Variants in VPS13B observed in about 807,000 individuals in gnomAD.
The protein encoded by VPS13B is vacuolar protein sorting 13 homolog B.
In VPS13B, 285 loss-of-function variants were observed where a neutral mutation model predicts 426.4. The observed-to-expected ratio is 0.67, with a 90% CI of 0.61 to 0.74. The LOEUF (loss-of-function observed/expected upper bound fraction) is 0.74, where lower values mean the gene tolerates loss of function less well. Among genes scored for constraint, VPS13B ranks in the 30% least tolerant of loss-of-function variants. The pLI is 0.00. For synonymous variants in VPS13B, 1,676 were observed against 1,676.4 expected, an observed-to-expected ratio of 1.00 and a Z score of 0.01; for missense variants, 4,537 against 4,782.6, an observed-to-expected ratio of 0.95 and a Z score of 1.51.
At chr8:99,058,252 GTCTTC>G (rs1418630795) in intron 3 of VPS13B, among the ~76,000 whole-genome samples, 1 of 151,538 alleles carries the variant, frequency 6.6e-6, no homozygotes, top group African/African-American at 2.4e-5. Flanking sequence ...GAATGTAGCT[GTCTTC>G]TCTTAAGTCA....
At chr8:99,533,908 C>T (rs187906183) in intron 30 of VPS13B, among the ~76,000 whole-genome samples, 13 of 152,298 alleles carry the variant, frequency 8.5e-5, no homozygotes, top group Admixed American at 3.3e-4. Context: ...ACTGTTTCCT[C>T]CTTCCTCCTC....
intron 19 of VPS13B, among the ~76,000 whole-genome samples, chr8:99,366,625 T>C (rs1333258889): frequency 6.6e-6 from 1 of 151,576 alleles, no homozygotes; most frequent in Non-Finnish European, 1.5e-5. Context: ...GTAAAGACTT[T>C]CTTCTGCCGT....
intron 21 of VPS13B, among the ~76,000 whole-genome samples, chr8:99,425,327 A>G (rs1222321359): frequency 6.6e-6 from 1 of 152,162 alleles, no homozygotes; most frequent in African/African-American, 2.4e-5. Flanking sequence ...TAAAATACTG[A>G]CAAACCAAAT....
intron 42 of VPS13B, among the ~76,000 whole-genome samples, chr8:99,782,306 G>T (rs1812061679): frequency 6.6e-6 from 1 of 151,950 alleles, no homozygotes; most frequent in South Asian, 2.1e-4. Context: ...CATTATGCTG[G>T]ATACTGAAGA....
At position 99,871,709 on chromosome 8, in the gene VPS13B, A is replaced by C; in HGVS notation, c.11745+12A>C. On this transcript the variant is annotated intron_variant, in intron 61 of 61. Transcript: ENST00000357162. ...CCTGTGATGTGGAGGTACGTTTCAG[A>C]AAACAGGGCAACCAAGACTAGCTGG... is the stretch of plus-strand genomic sequence containing the variant. 6.2e-7 allele frequency: 1 copy of C among 1,612,904 alleles called. No homozygotes were observed.
intron 19 of VPS13B, among the ~76,000 whole-genome samples, chr8:99,350,970 T>C (rs978802784): frequency 6.6e-6 from 1 of 152,018 alleles, no homozygotes; most frequent in African/African-American, 2.4e-5. Flanking sequence ...ATAGATATCA[T>C]TTTAAATTAT....
intron 44 of VPS13B, among the ~76,000 whole-genome samples, chr8:99,812,985 A>G (rs2130796956): frequency 6.6e-6 from 1 of 152,322 alleles, no homozygotes; most frequent in African/African-American, 2.4e-5. Context: ...GAAACCGTGC[A>G]TTTAAAAAAA....
intron 51 of VPS13B, among the ~76,000 whole-genome samples, chr8:99,825,416 G>T (rs1284781869): frequency 6.6e-6 from 1 of 151,980 alleles, no homozygotes; most frequent in East Asian, 1.9e-4. Flanking sequence ...CTTTCTGATG[G>T]GGTTGGTTGG....
intron 17 of VPS13B, among the ~76,000 whole-genome samples, chr8:99,213,958 C>G (rs138067951): frequency 6.6e-6 from 1 of 152,012 alleles, no homozygotes; most frequent in African/African-American, 2.4e-5. Context: ...GGATGTGGTA[C>G]TCCCCCATAA....
At chr8:99,685,887 G>A (rs765121000) in intron 35 of VPS13B, among the ~76,000 whole-genome samples, 14 of 152,244 alleles carry the variant, frequency 9.2e-5, no homozygotes, top group African/African-American at 1.9e-4. Context: ...ATGTTTGCCT[G>A]GATGGTTTTC....
intron 19 of VPS13B, among the ~76,000 whole-genome samples, chr8:99,312,732 G>A (rs958816853): frequency 3.9e-5 from 6 of 152,164 alleles, no homozygotes; most frequent in Non-Finnish European, 5.9e-5. Context: ...CTAGGTTGGG[G>A]AAGTTCTCCG....
intron 19 of VPS13B, among the ~76,000 whole-genome samples, chr8:99,361,228 A>G (rs1812539930): frequency 6.6e-6 from 1 of 152,220 alleles, no homozygotes; most frequent in Non-Finnish European, 1.5e-5. Context: ...AAAATTCATT[A>G]GACACTCACC....
chr8:99,715,446 A>G (rs925639892), intron 36 of VPS13B, among the ~76,000 whole-genome samples: 1 of 152,146 alleles, frequency 6.6e-6, no homozygotes, highest in African/African-American at 2.4e-5. Flanking sequence ...AAAATAATGG[A>G]ATTGGAGAGA....
At chr8:99,162,092 C>G (rs1811690817) in intron 15 of VPS13B, among the ~76,000 whole-genome samples, 1 of 152,100 alleles carries the variant, frequency 6.6e-6, no homozygotes, top group African/African-American at 2.4e-5. Flanking sequence ...TATTTCATTT[C>G]ATTTTCATAC....
At chr8:99,200,481 G>A (rs1261585478) in intron 17 of VPS13B, among the ~76,000 whole-genome samples, 1 of 152,094 alleles carries the variant, frequency 6.6e-6, no homozygotes, top group Non-Finnish European at 1.5e-5. Context: ...GGAGCTGCCA[G>A]ACTGTTTTCC....
chr8:99,475,167 A>G (rs926676984), intron 24 of VPS13B, among the ~76,000 whole-genome samples: 1 of 152,238 alleles, frequency 6.6e-6, no homozygotes, highest in Admixed American at 6.5e-5. Flanking sequence ...ATATAGTGAT[A>G]GAAAGTAGGT....
chr8:99,642,116 T>C lies in VPS13B; in HGVS notation c.5526T>C (p.Asn1842=). ...SKSKSQEQKN[N]EKTDKSSLNL... ...CGAAATCACAAGAACAGAAGAATAA[T>C]GAAAAAACAGACAAGAGTTCATTAA... The change falls in exon 34 of 62, where the codon AAT becomes AAC. Residue 1842 remains asparagine, a synonymous_variant. Transcript: ENST00000357162. 1 of 1,614,088 alleles carries C rather than the reference T, an allele frequency of 6.2e-7. No individual in the cohort carries two copies. Among genetic ancestry groups the C allele is most frequent in the Non-Finnish European group, 8.5e-7 (1 of 1,180,002 alleles).
intron 21 of VPS13B, 78 bp from the exon 22 acceptor site, chr8:99,431,459 T>A: frequency 2.6e-6 from 4 of 1,533,140 alleles, no homozygotes; most frequent in Non-Finnish European, 2.7e-6. Flanking sequence ...AAAGAAACAA[T>A]CTTGAAAATA....
intron 58 of VPS13B, among the ~76,000 whole-genome samples, chr8:99,865,620 A>C (rs1405611179): frequency 1.3e-5 from 2 of 152,188 alleles, no homozygotes; most frequent in Non-Finnish European, 2.9e-5. Flanking sequence ...TATTATAGTC[A>C]GTGCGGAATT....
Sources: allele counts gnomAD v4.1 joint callset (sites outside exome capture counted in the v4.1 genomes callset), GRCh38; gene constraint gnomAD v4.1.1; transcripts MANE v1.5; gene names NCBI Gene and HGNC (gene_info 2026-07-23, HGNC 2026-07-21).